Variants in SH3BGRL2 observed in about 807,000 individuals in gnomAD.
The protein encoded by SH3BGRL2 is SH3 domain-binding glutamic acid-rich-like protein 2.
A neutral mutation model predicts 14.8 loss-of-function variants in SH3BGRL2; 21 were observed. That is an observed-to-expected ratio of 1.42 (90% CI 1.01 to 2.05). The LOEUF (loss-of-function observed/expected upper bound fraction) is 2.05, where lower values mean the gene tolerates loss of function less well. Among genes scored for constraint, SH3BGRL2 ranks in the 30% most tolerant of loss-of-function variants. The pLI is 0.00. For missense variants in SH3BGRL2, 147 were observed against 130.8 expected (o/e 1.12, Z -0.61); for synonymous variants, 50 against 47.8 (o/e 1.05, Z -0.19).
chr6:79,592,220 G>A, the SH3BGRL2 span, among the ~76,000 whole-genome samples: 3 of 152,166 alleles, frequency 2.0e-5, no homozygotes, highest in Non-Finnish European at 4.4e-5. Flanking sequence ...ACTTGAAGAG[G>A]AGTGTTGACA....
At chr6:79,556,436 T>A in the SH3BGRL2 span, among the ~76,000 whole-genome samples, 2 of 152,144 alleles carry the variant, frequency 1.3e-5, no homozygotes, top group African/African-American at 2.4e-5. Flanking sequence ...TAGAAAACTT[T>A]AAAAAATTAT....
intron 1 of SH3BGRL2, among the ~76,000 whole-genome samples, chr6:79,671,968 C>G (rs1354305474): frequency 6.6e-6 from 1 of 152,202 alleles, no homozygotes; most frequent in Non-Finnish European, 1.5e-5. Flanking sequence ...GCTATTAGTA[C>G]TAGCTAATTT....
At chr6:79,573,756 A>G in the SH3BGRL2 span, 1 of 152,190 alleles carries the variant, frequency 6.6e-6, no homozygotes, top group Non-Finnish European at 1.5e-5. Flanking sequence ...ATTATATTGT[A>G]TAACTATTGC....
chr6:79,606,550 C>G, the SH3BGRL2 span, among the ~76,000 whole-genome samples: 7 of 152,054 alleles, frequency 4.6e-5, no homozygotes, highest in African/African-American at 1.7e-4. Flanking sequence ...GCTGGCACAC[C>G]CTTTAGAAGC....
chr6:79,614,150 G>A, the SH3BGRL2 span, among the ~76,000 whole-genome samples: 1 of 152,152 alleles, frequency 6.6e-6, no homozygotes, highest in Non-Finnish European at 1.5e-5. Context: ...TCTTTGCATA[G>A]TATTGTGGCT....
chr6:79,546,775 C>T, the SH3BGRL2 span, among the ~76,000 whole-genome samples: 2 of 151,820 alleles, frequency 1.3e-5, no homozygotes, highest in Non-Finnish European at 1.5e-5. Flanking sequence ...TCACTGTAAC[C>T]TCCGCCTGGG....
chr6:79,608,126 C>A, the SH3BGRL2 span, among the ~76,000 whole-genome samples: 1 of 152,108 alleles, frequency 6.6e-6, no homozygotes, highest in Non-Finnish European at 1.5e-5. Context: ...CACTTTTAAA[C>A]AGGTCTCGTG....
the SH3BGRL2 span, among the ~76,000 whole-genome samples, chr6:79,579,309 A>G: frequency 1.3e-5 from 2 of 152,196 alleles, no homozygotes; most frequent in African/African-American, 4.8e-5. Flanking sequence ...CACCACAAAG[A>G]TACTCCTTGA....
chr6:79,692,850 G>T (rs189604442), intron 2 of SH3BGRL2, among the ~76,000 whole-genome samples: 109 of 152,094 alleles, frequency 7.2e-4, no homozygotes, highest in Admixed American at 2.7e-3. Context: ...GCTCTTTTTT[G>T]GTTCCATATG....
intron 1 of SH3BGRL2, among the ~76,000 whole-genome samples, chr6:79,665,139 G>A (rs1409275957): frequency 6.6e-6 from 1 of 152,196 alleles, no homozygotes; most frequent in African/African-American, 2.4e-5. Flanking sequence ...GGAGGAGTTT[G>A]CAGTGAGCTG....
the SH3BGRL2 span, among the ~76,000 whole-genome samples, chr6:79,572,188 T>A: frequency 2.0e-5 from 3 of 152,240 alleles, no homozygotes; most frequent in Non-Finnish European, 1.5e-5. Context: ...TTCTGCTGTA[T>A]GATTACACTA....
the SH3BGRL2 span, among the ~76,000 whole-genome samples, chr6:79,537,785 T>G: frequency 6.6e-6 from 1 of 152,164 alleles, no homozygotes; most frequent in African/African-American, 2.4e-5. Context: ...TTAGATTTCC[T>G]TTGGGAAATA....
Position 79,700,476 on chromosome 6 carries a change from A to C in SH3BGRL2, c.*967A>C, listed in dbSNP as rs1770431992. On this transcript the variant is annotated 3_prime_UTR_variant, in exon 4 of 4. Transcript: ENST00000369838. ...ATATATTTTGTGAACCCTTGATTAG[A>C]CATATTAAAATATACCAATGTTGTA... The C allele has an allele frequency of 6.6e-6, 1 of 152,190 alleles. No individual in the cohort carries two copies. The highest frequency in any genetic ancestry group is 1.5e-5 in the Non-Finnish European group (1 of 68,044). 9.4% of individuals were successfully genotyped at this position (152,190 alleles called of 1,614,324 possible).
chr6:79,670,383 T>G (rs1308200740), intron 1 of SH3BGRL2, among the ~76,000 whole-genome samples: 1 of 152,218 alleles, frequency 6.6e-6, no homozygotes, highest in Non-Finnish European at 1.5e-5. Context: ...GCACTCTTCG[T>G]CCTTTTAGAT....
chr6:79,688,396 G>A (rs1159669059), intron 2 of SH3BGRL2, among the ~76,000 whole-genome samples: 2 of 152,038 alleles, frequency 1.3e-5, no homozygotes, highest in Non-Finnish European at 2.9e-5. Flanking sequence ...GTCTTAAATG[G>A]AATGAAAATG....
chr6:79,661,926 C>G (rs1769557718), intron 1 of SH3BGRL2, among the ~76,000 whole-genome samples: 1 of 152,138 alleles, frequency 6.6e-6, no homozygotes, highest in South Asian at 2.1e-4. Context: ...GGTCTAAAGT[C>G]TGTTTTATCA....
intron 2 of SH3BGRL2, among the ~76,000 whole-genome samples, chr6:79,677,000 G>A (rs1769898651): frequency 6.6e-6 from 1 of 152,096 alleles, no homozygotes; most frequent in African/African-American, 2.4e-5. Flanking sequence ...TGGTGGTCAC[G>A]ACAGCTATTG....
chr6:79,540,652 AAG>A, the SH3BGRL2 span, among the ~76,000 whole-genome samples: 4 of 152,082 alleles, frequency 2.6e-5, no homozygotes, highest in Admixed American at 1.3e-4. Flanking sequence ...TTAATGGAGA[AAG>A]AAAACTTGAG....
the SH3BGRL2 span, among the ~76,000 whole-genome samples, chr6:79,540,959 AAG>A: frequency 9.9e-5 from 15 of 152,066 alleles, no homozygotes; most frequent in African/African-American, 2.9e-4. Flanking sequence ...GTGGTAGTTA[AAG>A]AGAGTTTCCA....
Sources: gnomAD v4.1 joint callset for allele counts (sites outside exome capture counted in the v4.1 genomes callset) on GRCh38, gnomAD v4.1.1 for gene constraint, MANE v1.5 for transcripts, NCBI Gene and HGNC (gene_info 2026-07-23, HGNC 2026-07-21) for gene names.